CRPPA: variants seen among roughly 807,000 people sequenced by gnomAD.
CRPPA encodes the protein D-ribitol-5-phosphate cytidylyltransferase.
In CRPPA, 43 loss-of-function variants were observed where a neutral mutation model predicts 52.0. The observed-to-expected ratio is 0.83, with a 90% confidence interval of 0.65 to 1.07. CRPPA has a LOEUF of 1.07. Ranked by LOEUF, CRPPA falls within the 50% of genes least tolerant of loss-of-function variation. The pLI, the probability that CRPPA is intolerant of heterozygous loss-of-function variation, is 0.00. For missense variants in CRPPA, 629 were observed against 551.7 expected (o/e 1.14, Z -1.40); for synonymous variants, 250 against 203.5 (o/e 1.23, Z -1.94).
chr7:16,138,253 G>T (rs1324175873), intron 9 of CRPPA, among the ~76,000 whole-genome samples: 1 of 152,152 alleles, frequency 6.6e-6, no homozygotes, highest in African/African-American at 2.4e-5. Flanking sequence ...ATTTCAGGTA[G>T]AACAATTGAT....
intron 2 of CRPPA, among the ~76,000 whole-genome samples, chr7:16,397,151 CATT>C (rs1176345895): frequency 3.3e-5 from 5 of 152,258 alleles, no homozygotes; most frequent in Admixed American, 1.3e-4. Context: ...GTGTCTGACA[CATT>C]AGCAAAATGC....
chr7:16,195,322 T>A (rs986067335), intron 9 of CRPPA, among the ~76,000 whole-genome samples: 27 of 152,108 alleles, frequency 1.8e-4, no homozygotes, highest in Admixed American at 1.2e-3. Flanking sequence ...TGCCTTTTTT[T>A]AAAAAGGGTT....
chr7:16,120,049 G>T (rs1782451763), intron 9 of CRPPA, among the ~76,000 whole-genome samples: 1 of 152,154 alleles, frequency 6.6e-6, no homozygotes, highest in Non-Finnish European at 1.5e-5. Flanking sequence ...TTTATAGAAA[G>T]AAATCAGGAC....
At chr7:16,115,700 T>C (rs1782357028) in intron 9 of CRPPA, among the ~76,000 whole-genome samples, 1 of 152,198 alleles carries the variant, frequency 6.6e-6, no homozygotes, top group Non-Finnish European at 1.5e-5. Flanking sequence ...GGTGCCAGAA[T>C]GTAGGGACAC....
intron 1 of CRPPA, among the ~76,000 whole-genome samples, chr7:16,417,461 T>C (rs1008777720): frequency 4.6e-5 from 7 of 152,124 alleles, no homozygotes; most frequent in Non-Finnish European, 1.0e-4. Context: ...TATGTAGCCA[T>C]AAAAAGAACA....
chr7:16,342,796 T>TAG lies in CRPPA; in HGVS notation c.684+33295_684+33296insCT, dbSNP rs1562643260. 2.5e-3 allele frequency among the ~76,000 whole-genome samples: 204 copies of TAG among 82,090 alleles called. 26 individuals carry two copies. Among genetic ancestry groups the TAG allele is most frequent in the African/African-American group, 6.0e-3 (156 of 25,832 alleles). The allele number at this position is 82,090 out of a possible 152,430, so 53.9% of individuals were successfully genotyped here. A position where few individuals can be genotyped will look rare whatever the true frequency, so the allele number is the denominator to read the frequency against. On this transcript the variant is annotated intron_variant, in intron 3 of 9. Transcript: ENST00000407010. ...AAAAAAAAAAAAATATATATATATATATCTATATAGATATATAGATATACA... is the reference window on the plus strand; with the variant it reads ...AAAAAAAAAAAAATATATATATATATAGATCTATATAGATATATAGATATACA...
At chr7:16,344,241 G>C (rs950180916) in intron 3 of CRPPA, among the ~76,000 whole-genome samples, 1 of 151,906 alleles carries the variant, frequency 6.6e-6, no homozygotes, top group Non-Finnish European at 1.5e-5. Flanking sequence ...AAGAGAAACT[G>C]TCCTGCAGAA....
At chr7:16,326,742 T>A (rs1191862416) in intron 3 of CRPPA, among the ~76,000 whole-genome samples, 1 of 152,184 alleles carries the variant, frequency 6.6e-6, no homozygotes, top group African/African-American at 2.4e-5. Flanking sequence ...ACTATAATCC[T>A]TGTGAAAGAT....
At chr7:16,275,083 A>T (rs1784172985) in intron 6 of CRPPA, among the ~76,000 whole-genome samples, 1 of 151,902 alleles carries the variant, frequency 6.6e-6, no homozygotes. Context: ...CTAAAAAAAA[A>T]TAATATTAGT....
chr7:16,185,712 A>G (rs1239197890), intron 9 of CRPPA, among the ~76,000 whole-genome samples: 1 of 152,212 alleles, frequency 6.6e-6, no homozygotes, highest in Admixed American at 6.5e-5. Context: ...GTTGAAAGTC[A>G]GGCAAAAATA....
intron 2 of CRPPA, among the ~76,000 whole-genome samples, chr7:16,394,806 G>C (rs115401509): frequency 0.015 from 2,252 of 152,124 alleles, 61 homozygotes; most frequent in African/African-American, 0.051. Context: ...AAAAGCTTCA[G>C]GCATCTTAAA....
chr7:16,278,877 GTCC>G (rs1270463741), intron 5 of CRPPA, among the ~76,000 whole-genome samples: 1 of 152,178 alleles, frequency 6.6e-6, no homozygotes, highest in Non-Finnish European at 1.5e-5. Context: ...AAGATATGAA[GTCC>G]TCCTCTATAG....
intron 3 of CRPPA, among the ~76,000 whole-genome samples, chr7:16,354,927 C>T (rs905177593): frequency 4.6e-5 from 7 of 152,058 alleles, no homozygotes; most frequent in Non-Finnish European, 8.8e-5. Flanking sequence ...ATGAAAACCA[C>T]ACAAATAAAG....
At chr7:16,347,550 G>A (rs1022549798) in intron 3 of CRPPA, among the ~76,000 whole-genome samples, 1 of 152,110 alleles carries the variant, frequency 6.6e-6, no homozygotes, top group African/African-American at 2.4e-5. Flanking sequence ...GTCAGGGATA[G>A]GAGAATTAGC....
At chr7:16,341,012 A>G (rs983302200) in intron 3 of CRPPA, among the ~76,000 whole-genome samples, 1 of 152,178 alleles carries the variant, frequency 6.6e-6, no homozygotes, top group African/African-American at 2.4e-5. Flanking sequence ...AAGGTTATAT[A>G]CTGTGTGATT....
chr7:16,239,592 G>C (rs1255052748), intron 8 of CRPPA, among the ~76,000 whole-genome samples: 1 of 128,110 alleles, frequency 7.8e-6, no homozygotes, highest in African/African-American at 2.9e-5. Flanking sequence ...AAACTAGTGA[G>C]AGAAGTTGCC....
chr7:16,137,328 T>C (rs1782781736), intron 9 of CRPPA, among the ~76,000 whole-genome samples: 1 of 152,216 alleles, frequency 6.6e-6, no homozygotes, highest in Non-Finnish European at 1.5e-5. Flanking sequence ...CTTCCAAAAC[T>C]ACAAGAAATA....
At chr7:16,246,016 G>C (rs1349461027) in intron 8 of CRPPA, among the ~76,000 whole-genome samples, 1 of 151,802 alleles carries the variant, frequency 6.6e-6, no homozygotes, top group Admixed American at 6.6e-5. Context: ...CAACAACATA[G>C]TTCGCTGCCT....
intron 9 of CRPPA, among the ~76,000 whole-genome samples, chr7:16,149,059 A>G (rs1390014653): frequency 6.6e-6 from 1 of 152,204 alleles, no homozygotes; most frequent in East Asian, 1.9e-4. Context: ...GTTTTTATCA[A>G]CAATAAAATA....
Sources: allele counts gnomAD v4.1 joint callset (sites outside exome capture counted in the v4.1 genomes callset), GRCh38; gene constraint gnomAD v4.1.1; transcripts MANE v1.5; gene names NCBI Gene and HGNC (gene_info 2026-07-23, HGNC 2026-07-21).